The following EXOC6 variants were observed in gnomAD, a reference collection of about 807,000 sequenced individuals.
EXOC6 encodes SEC15-like 1.
Under a neutral mutation model 112.5 loss-of-function variants are expected in EXOC6, and 60 were observed. The ratio of observed to expected loss-of-function variants is 0.53; its 90% CI spans 0.43 to 0.66. EXOC6 has a LOEUF of 0.66. Ranked by LOEUF, EXOC6 falls within the 30% of genes least tolerant of loss-of-function variation. The probability of loss-of-function intolerance (pLI) is 0.00; values close to 1 mark genes in which losing one functional copy is unlikely to be tolerated. For synonymous variants in EXOC6, 295 were observed against 308.0 expected, an observed-to-expected ratio of 0.96 and a Z score of 0.44; for missense variants, 855 against 957.1, an observed-to-expected ratio of 0.89 and a Z score of 1.41.
intron 17 of EXOC6, among the ~76,000 whole-genome samples, chr10:92,963,454 C>T (rs992603020): frequency 6.6e-5 from 10 of 151,934 alleles, no homozygotes; most frequent in Non-Finnish European, 8.8e-5. Flanking sequence ...TATTTGTGAC[C>T]TGCGTACTTT....
intron 13 of EXOC6, among the ~76,000 whole-genome samples, chr10:92,948,072 T>C (rs776363892): frequency 3.9e-5 from 6 of 152,182 alleles, no homozygotes; most frequent in Non-Finnish European, 8.8e-5. Flanking sequence ...AAAAGGAGAT[T>C]GTACCTGGAT....
At chr10:92,898,955 A>G (rs923344154) in intron 4 of EXOC6, among the ~76,000 whole-genome samples, 3 of 152,182 alleles carry the variant, frequency 2.0e-5, no homozygotes, top group Non-Finnish European at 4.4e-5. Context: ...TAGTGACACT[A>G]TATTATCTTG....
At chr10:92,936,704 A>G (rs539084674) in intron 12 of EXOC6, among the ~76,000 whole-genome samples, 62 of 152,318 alleles carry the variant, frequency 4.1e-4, no homozygotes, top group African/African-American at 1.2e-3. Flanking sequence ...GGCAAGTTGT[A>G]CACCTGCTGC....
At chr10:92,888,518 A>G (rs542423587) in intron 1 of EXOC6, among the ~76,000 whole-genome samples, 4 of 152,348 alleles carry the variant, frequency 2.6e-5, no homozygotes, top group Admixed American at 6.5e-5. Flanking sequence ...CTTTATATCC[A>G]CAAAAGCAGT....
At chr10:92,891,729 G>C (rs551998452) in intron 1 of EXOC6, among the ~76,000 whole-genome samples, 1 of 152,052 alleles carries the variant, frequency 6.6e-6, no homozygotes, top group African/African-American at 2.4e-5. Flanking sequence ...TGATCTGTCC[G>C]CATCGGCTCC....
chr10:92,934,609 C>T (rs1002760004), intron 11 of EXOC6, among the ~76,000 whole-genome samples, 179 bp downstream of exon 11: 1 of 152,100 alleles, frequency 6.6e-6, no homozygotes, highest in African/African-American at 2.4e-5. Flanking sequence ...GATTTTGCAA[C>T]TGACTGGGGC....
At chr10:92,827,243 G>A (rs1846399563) in intron 1 of EXOC6, among the ~76,000 whole-genome samples, 1 of 151,684 alleles carries the variant, frequency 6.6e-6, no homozygotes, top group South Asian at 2.1e-4. Context: ...GGAGGCTGAG[G>A]TGGGCAGATC....
At chr10:92,868,990 C>A (rs1848314931) in intron 1 of EXOC6, among the ~76,000 whole-genome samples, 1 of 151,878 alleles carries the variant, frequency 6.6e-6, no homozygotes, top group African/African-American at 2.4e-5. Flanking sequence ...AGAGCTCTGG[C>A]TTTTGTGCTG....
chr10:92,920,053 A>G lies in EXOC6; in HGVS notation c.888+3A>G, dbSNP rs763082662. The G allele has an allele frequency of 1.0e-5, 16 of 1,580,880 alleles. No homozygotes were observed. The highest frequency in any genetic ancestry group is 1.4e-5 in the Non-Finnish European group (16 of 1,155,608). On this transcript the variant is annotated splice_donor_region_variant and intron_variant, in intron 8 of 21. Transcript: ENST00000260762. The stretch of plus-strand genomic sequence containing the variant: ...GTTTGCACATTTATTCTGTTTTGGT[A>G]AGTATGTTTTATATTTATGTATATA...
chr10:92,991,247 C>T (rs1395758813), intron 18 of EXOC6, among the ~76,000 whole-genome samples: 1 of 151,388 alleles, frequency 6.6e-6, no homozygotes, highest in Non-Finnish European at 1.5e-5. Context: ...ACCAGCCTGG[C>T]CAATATGGTG....
intron 17 of EXOC6, among the ~76,000 whole-genome samples, chr10:92,969,913 C>T (rs1246499389): frequency 3.3e-5 from 5 of 152,040 alleles, no homozygotes; most frequent in Non-Finnish European, 7.4e-5. Flanking sequence ...AGGCTGGTCT[C>T]GAACTTCTGA....
At chr10:92,871,978 G>A (rs1848471185) in intron 1 of EXOC6, among the ~76,000 whole-genome samples, 1 of 151,492 alleles carries the variant, frequency 6.6e-6, no homozygotes, top group Non-Finnish European at 1.5e-5. Flanking sequence ...TGCCTGTTTT[G>A]TTGATTTTTT....
intron 1 of EXOC6, among the ~76,000 whole-genome samples, chr10:92,879,627 T>C (rs936107614): frequency 1.3e-5 from 2 of 152,192 alleles, no homozygotes; most frequent in Admixed American, 1.3e-4. Flanking sequence ...AAGTAAAATA[T>C]GTTTTTGTTT....
intron 20 of EXOC6, among the ~76,000 whole-genome samples, chr10:93,028,911 T>C (rs1362077062): frequency 6.6e-6 from 1 of 151,870 alleles, no homozygotes; most frequent in Non-Finnish European, 1.5e-5. Flanking sequence ...TTTGAAAGGA[T>C]TGACTCCAAT....
Position 92,894,818 on chromosome 10 carries a change from A to T in EXOC6, c.298A>T (p.Arg100Trp). Residue 100 changes from arginine (R) to tryptophan (W), a missense_variant, in exon 3 of 22, where the codon AGG becomes TGG. Physicochemically the swap from Arg to Trp is moderately radical, Grantham distance 101. Coordinates refer to ENST00000260762, the MANE Select transcript of EXOC6 (RefSeq NM_019053.6). Reference protein sequence around the residue: ...LKVQVTDTNRRFQDAGKEVIV... With the variant: ...LKVQVTDTNRWFQDAGKEVIV... ...GGTGCAAGTTACTGATACCAACCGA[A>T]GGTTTCAAGATGCTGGAAAAGAGGT... 2 of 1,613,560 alleles carry T rather than the reference A, an allele frequency of 1.2e-6. No individual in the cohort carries two copies. The highest frequency in any genetic ancestry group is 1.7e-6 in the Non-Finnish European group (2 of 1,179,684).
intron 18 of EXOC6, among the ~76,000 whole-genome samples, chr10:92,976,180 C>T (rs949119415): frequency 6.6e-6 from 1 of 152,014 alleles, no homozygotes; most frequent in African/African-American, 2.4e-5. Context: ...GTGTGCCCAA[C>T]AGCTCATTGA....
At chr10:92,843,163 T>C (rs190786282) in intron 1 of EXOC6, among the ~76,000 whole-genome samples, 7 of 152,354 alleles carry the variant, frequency 4.6e-5, no homozygotes, top group Non-Finnish European at 7.3e-5. Flanking sequence ...TTCTCCACCG[T>C]GGGGTCCAGA....
Position 92,914,999 on chromosome 10 carries a change from A to G in EXOC6, c.664-759A>G, listed in dbSNP as rs551192892. 1.8e-4 allele frequency among the ~76,000 whole-genome samples: 27 copies of G among 152,310 alleles called. 1 individual carries two copies. The South Asian group carries it at 5.4e-3, about 30-fold the overall frequency. On this transcript the variant is annotated intron_variant, in intron 6 of 21. Transcript: ENST00000260762. ...GGTTCTCAACTTTTTATTCTGTGTA[A>G]ATGTTGTTTTTTGTCAATGATCAAT...
At position 92,977,530 on chromosome 10, in the gene EXOC6, T is replaced by G. The variant is rs151029703; in HGVS notation, c.1953+3298T>G. ...AAGGAAATCTATAAATATATTTAAT[T>G]TTTATATCAATGAATTTTTATAGAA... On this transcript the variant is annotated intron_variant, in intron 18 of 21. Coordinates refer to ENST00000260762, the MANE Select transcript of EXOC6 (RefSeq NM_019053.6). Among the ~76,000 whole-genome samples, 724 of 152,260 alleles carry G rather than the reference T, an allele frequency of 4.8e-3. 11 individuals are homozygous for G. The highest frequency in any genetic ancestry group is 0.034 in the East Asian group (175 of 5,184).
Sources: gnomAD v4.1 joint callset for allele counts (sites outside exome capture counted in the v4.1 genomes callset) on GRCh38, gnomAD v4.1.1 for gene constraint, MANE v1.5 for transcripts, NCBI Gene and HGNC (gene_info 2026-07-23, HGNC 2026-07-21) for gene names.